The following MAD1L1 variants were observed in gnomAD, a reference collection of about 807,000 sequenced individuals.
MAD1L1 encodes mitotic spindle assembly checkpoint protein MAD1.
A neutral mutation model predicts 96.9 loss-of-function variants in MAD1L1; 95 were observed. That is an observed-to-expected ratio of 0.98 (90% CI 0.83 to 1.16). The LOEUF is 1.16. Among genes scored for constraint, MAD1L1 ranks in the 50% most tolerant of loss-of-function variants. The pLI, the probability that MAD1L1 is intolerant of heterozygous loss-of-function variation, is 0.00. For synonymous variants in MAD1L1, 473 were observed against 396.6 expected (o/e 1.19, Z -2.29); for missense variants, 1,007 against 954.4 (o/e 1.06, Z -0.73).
chr7:1,863,672 C>T (rs1784639528), intron 18 of MAD1L1, among the ~76,000 whole-genome samples: 1 of 152,342 alleles, frequency 6.6e-6, no homozygotes, highest in South Asian at 2.1e-4. Context: ...CCTGCCCTGC[C>T]CCATCTTGCC....
intron 10 of MAD1L1, among the ~76,000 whole-genome samples, chr7:2,204,382 T>C (rs1052979009): frequency 9.9e-5 from 15 of 152,188 alleles, no homozygotes; most frequent in Non-Finnish European, 2.9e-5. Flanking sequence ...AGCAGTGTCA[T>C]GAGCTTTGCT....
chr7:2,155,948 TA>T (rs745459568), intron 10 of MAD1L1, among the ~76,000 whole-genome samples: 2 of 151,726 alleles, frequency 1.3e-5, no homozygotes, highest in African/African-American at 2.4e-5. Context: ...AGCTCAACAA[TA>T]AAAAAAATAA....
intron 10 of MAD1L1, among the ~76,000 whole-genome samples, chr7:2,180,820 A>G (rs1459552484): frequency 6.6e-6 from 1 of 152,184 alleles, no homozygotes; most frequent in Non-Finnish European, 1.5e-5. Context: ...TTTTTAATGT[A>G]TAAAATCATG....
intron 17 of MAD1L1, among the ~76,000 whole-genome samples, chr7:1,923,605 G>C (rs1334022335): frequency 6.6e-6 from 1 of 152,268 alleles, no homozygotes; most frequent in Admixed American, 6.5e-5. Flanking sequence ...GGGTGCGTGG[G>C]GCATGTCCTG....
In MAD1L1 at chr7:1,968,220, GTCGACGCCTCAGTCCGGCGGTCAGGTCCA is replaced by G; in HGVS notation, c.1506-10530_1506-10502del. Among the ~76,000 whole-genome samples the G allele has an allele frequency of 6.6e-6, 1 of 152,154 alleles. No homozygotes were observed. Among genetic ancestry groups the G allele is most frequent in the African/African-American group, 2.4e-5 (1 of 41,448 alleles). On this transcript the variant is annotated intron_variant, in intron 15 of 18. Coordinates refer to ENST00000265854, the MANE Select transcript of MAD1L1 (RefSeq NM_001013836.2). The surrounding 1 kb of genome is among the most constrained non-coding windows in gnomAD (Gnocchi z 5.6). Reference sequence around the variant, plus strand: ...CCTCAATCCGGCGGTCAGGTCCACCGTCGACGCCTCAGTCCGGCGGTCAGGTCCACCGTCAACACCAGCGGTCTTGTCCA... The same window carrying G: ...CCTCAATCCGGCGGTCAGGTCCACCGCCGTCAACACCAGCGGTCTTGTCCA...
chr7:1,863,555 G>A (rs1583588304), intron 18 of MAD1L1, among the ~76,000 whole-genome samples: 1 of 152,346 alleles, frequency 6.6e-6, no homozygotes, highest in African/African-American at 2.4e-5. Context: ...CCCCTGAGCA[G>A]CACTTCAGCC....
intron 14 of MAD1L1, among the ~76,000 whole-genome samples, chr7:1,995,705 G>C (rs529410358): frequency 8.5e-4 from 130 of 152,262 alleles, no homozygotes; most frequent in African/African-American, 3.0e-3. Context: ...GCACACCAGC[G>C]CGCGCGGGGA....
At chr7:1,860,242 C>T (rs1477597965) in intron 18 of MAD1L1, among the ~76,000 whole-genome samples, 32 of 143,276 alleles carry the variant, frequency 2.2e-4, no homozygotes, top group African/African-American at 6.9e-4. Flanking sequence ...ACATGACATC[C>T]TGCGGGGCGG....
intron 11 of MAD1L1, among the ~76,000 whole-genome samples, chr7:2,079,259 G>A (rs1008938294): frequency 6.6e-6 from 1 of 152,212 alleles, no homozygotes. Flanking sequence ...GAGAGGGCAG[G>A]TGCCCCAGGA....
At chr7:1,909,865 C>T (rs1277113259) in intron 17 of MAD1L1, among the ~76,000 whole-genome samples, 4 of 152,188 alleles carry the variant, frequency 2.6e-5, no homozygotes, top group African/African-American at 7.2e-5. Flanking sequence ...AAACTGCACA[C>T]TCTGCTCCAG....
rs933978477 is a variant in MAD1L1 at position 2,142,500 on chromosome 7, G to A, written c.1073+6652C>T. Among the ~76,000 whole-genome samples, 3 of 152,232 alleles carry A rather than the reference G, an allele frequency of 2.0e-5. No homozygotes were observed. Among genetic ancestry groups the A allele is most frequent in the Non-Finnish European group, 2.9e-5 (2 of 68,028 alleles). ...GGAGCAGGATACAGACAGATCACGC[G>A]GGTTCTCTGCTGCCGGACGGAGCGC... is the stretch of plus-strand genomic sequence containing the variant. On this transcript the variant is annotated intron_variant, in intron 11 of 18. Coordinates refer to ENST00000265854, the MANE Select transcript of MAD1L1 (RefSeq NM_001013836.2). The surrounding 1 kb of genome is among the most constrained non-coding windows in gnomAD (Gnocchi z 4.7).
chr7:1,858,963 A>T (rs1766861356), intron 18 of MAD1L1, among the ~76,000 whole-genome samples: 1 of 152,196 alleles, frequency 6.6e-6, no homozygotes, highest in Admixed American at 6.5e-5. Context: ...TGAGGCTCTG[A>T]AAGGCCACCC....
At chr7:1,946,602 C>T (rs534276086) in intron 16 of MAD1L1, among the ~76,000 whole-genome samples, 2 of 152,362 alleles carry the variant, frequency 1.3e-5, no homozygotes, top group South Asian at 2.1e-4. Flanking sequence ...ACTTGCAGAG[C>T]GAGCAGGCGC....
chr7:2,201,971 G>A (rs571058654), intron 10 of MAD1L1: 6 of 152,526 alleles, frequency 3.9e-5, no homozygotes, highest in East Asian at 3.9e-4. Context: ...TCGCCAAAGC[G>A]AGGCAGCTGT....
At chr7:2,158,859 G>GGCTGCACCT (rs201534658) in intron 10 of MAD1L1, among the ~76,000 whole-genome samples, 3 of 152,174 alleles carry the variant, frequency 2.0e-5, no homozygotes, top group East Asian at 1.9e-4. Context: ...ACCTGCCTGA[G>GGCTGCACCT]GCTGCACCTG....
chr7:2,162,351 GT>G (rs1207285245), intron 10 of MAD1L1, among the ~76,000 whole-genome samples: 3 of 152,150 alleles, frequency 2.0e-5, no homozygotes, highest in African/African-American at 7.2e-5. Flanking sequence ...ATTAAGGGCG[GT>G]GCAGGATGTG....
intron 14 of MAD1L1, among the ~76,000 whole-genome samples, chr7:1,999,442 G>C (rs957254722): frequency 5.9e-5 from 9 of 152,052 alleles, no homozygotes; most frequent in Non-Finnish European, 1.0e-4. Flanking sequence ...AACCCGCCCT[G>C]GTAAACCCCA....
At chr7:1,989,782 T>C (rs927847469) in intron 14 of MAD1L1, among the ~76,000 whole-genome samples, 1 of 152,160 alleles carries the variant, frequency 6.6e-6, no homozygotes, top group African/African-American at 2.4e-5. Flanking sequence ...TGGCCCAGCC[T>C]CAGTGTAGGC....
chr7:1,815,895 G>A lies in MAD1L1; in HGVS notation c.*175C>T, dbSNP rs7680. 0.14 allele frequency: 98,945 copies of A among 699,426 alleles called. 8,027 individuals carry two copies. The highest frequency in any genetic ancestry group is 0.2 in the South Asian group (10,061 of 51,020). 43.3% of individuals were successfully genotyped at this position (699,426 alleles called of 1,614,324 possible). On this transcript the variant is annotated 3_prime_UTR_variant, in exon 19 of 19. Coordinates refer to ENST00000265854, the MANE Select transcript of MAD1L1 (RefSeq NM_001013836.2). The stretch of plus-strand genomic sequence containing the variant: ...ACGCATGGGGTCTGCACGTGGAGAG[G>A]GTGCTGGCCGCCCCAGCAGGAAGCC...
Sources: gnomAD v4.1 joint callset for allele counts (sites outside exome capture counted in the v4.1 genomes callset) on GRCh38, gnomAD v4.1.1 for gene constraint, Gnocchi (gnomAD v3.1) non-coding constraint, MANE v1.5 for transcripts, NCBI Gene and HGNC (gene_info 2026-07-23, HGNC 2026-07-21) for gene names.